Variants in EVPL observed in about 807,000 individuals in gnomAD.
The protein encoded by EVPL is 210 kDa cornified envelope precursor protein.
In EVPL, 94 loss-of-function variants were observed where a neutral mutation model predicts 129.7. The ratio of observed to expected loss-of-function variants is 0.72; its 90% confidence interval spans 0.61 to 0.86. EVPL has a LOEUF of 0.86. Ranked by LOEUF, EVPL falls within the 40% of genes least tolerant of loss-of-function variation. The pLI is 0.00. For missense variants in EVPL, 2,625 were observed against 2,721.1 expected (o/e 0.96, Z 0.79); for synonymous variants, 1,172 against 1,191.1 (o/e 0.98, Z 0.33).
In EVPL at chr17:76,007,162, G is replaced by A; in HGVS notation, c.6043C>T (p.Leu2015=). 2 of 1,510,606 alleles carry A rather than the reference G, an allele frequency of 1.3e-6. No homozygotes were observed. The highest frequency in any genetic ancestry group is 1.8e-6 in the Non-Finnish European group (2 of 1,128,164). The allele number at this position is 1,510,606 out of a possible 1,614,324, so 93.6% of individuals were successfully genotyped here. The change falls in exon 22 of 22, where the codon CTG becomes TTG. Residue 2015 remains leucine (L), a synonymous_variant. Coordinates refer to ENST00000301607, the MANE Select transcript of EVPL (RefSeq NM_001988.4). This position sits in a 1 kb window ranked among gnomAD's most constrained non-coding sequence, Gnocchi z 8.8. ...LSGLLLLPAA[L]EGYRCYRSAS... ...GAGCGGTAGCAGCGGTACCCCTCCA[G>A]TGCCGCTGGCAGGAGCAGCAGGCCG...
rs768851211 is a variant in EVPL at position 76,010,270 on chromosome 17, C to T, written c.2935G>A (p.Val979Met). The T allele has an allele frequency of 5.6e-6, 9 of 1,614,026 alleles. No individual in the cohort carries two copies. The South Asian group carries it at 9.9e-5, about 18-fold the overall frequency. ...GCCCGCCGCTTGCCCTCCTCCTCCACCTGGGCCTTCACCCTGGACAGGCTG... is the reference window on the plus strand; with the variant it reads ...GCCCGCCGCTTGCCCTCCTCCTCCATCTGGGCCTTCACCCTGGACAGGCTG... ...EGSLSRVKAQ[V>M]EEEGKRRAGL... The change falls in exon 22 of 22, where the codon GTG (valine) becomes ATG (methionine). Residue 979 changes from valine (V) to methionine (M), a missense_variant. Physicochemically the swap from Val to Met is conservative, Grantham distance 21. Coordinates refer to ENST00000301607, the MANE Select transcript of EVPL (RefSeq NM_001988.4).
chr17:76,026,910 C>T (rs1238013651), intron 1 of EVPL, among the ~76,000 whole-genome samples, 191 bp downstream of exon 1: 4 of 152,358 alleles, frequency 2.6e-5, no homozygotes, highest in Admixed American at 1.3e-4. Context: ...GGCTGAAGTT[C>T]GGCCTGGGCC....
rs1448932945 is a variant in EVPL at position 76,023,022 on chromosome 17, C to CAGG, written c.480+267_480+269dup. Among the ~76,000 whole-genome samples, 6 of 152,166 alleles carry CAGG rather than the reference C, an allele frequency of 3.9e-5. No homozygotes were observed. In the South Asian group the frequency reaches 6.2e-4, roughly 16 times the overall value. ...CGTCGAAGCCCAGGCTTCCTCCTGGCAGGAACCTTTGCTCCTTCTTTCTGG... is the reference window on the plus strand; with the variant it reads ...CGTCGAAGCCCAGGCTTCCTCCTGGCAGGAGGAACCTTTGCTCCTTCTTTCTGG... On this transcript the variant is annotated intron_variant, in intron 4 of 21. Coordinates refer to ENST00000301607, the MANE Select transcript of EVPL (RefSeq NM_001988.4).
At chr17:76,027,024 C>A in intron 1 of EVPL, 77 bp downstream of exon 1, 1 of 855,788 alleles carries the variant, frequency 1.2e-6, no homozygotes, top group Non-Finnish European at 1.8e-6. Context: ...GCCGCCGCCG[C>A]CAGGTGGCTC....
intron 2 of EVPL, 92 bp from the exon 3 acceptor site, chr17:76,023,746 C>A: frequency 2.8e-6 from 4 of 1,449,976 alleles, no homozygotes; most frequent in Non-Finnish European, 2.7e-6. Flanking sequence ...ACTTTGGGAC[C>A]CCAGCTATGC....
In EVPL at chr17:76,007,882, C is replaced by T. The variant is rs1567905746; in HGVS notation, c.5323G>A (p.Glu1775Lys). ...LYKDGHLPIS[E>K]FALLVAGETK... ...TCCCCAGCTACAAGCAGCGCAAACT[C>T]GGAGATGGGCAGGTGGCCGTCCTTG... The change falls in exon 22 of 22, where the codon GAG becomes AAG. Residue 1775 changes from glutamate (E) to lysine (K), a missense_variant. Coordinates refer to ENST00000301607, the MANE Select transcript of EVPL (RefSeq NM_001988.4). This position sits in a 1 kb window ranked among gnomAD's most constrained non-coding sequence, Gnocchi z 8.8. 3.7e-6 allele frequency: 6 copies of T among 1,613,992 alleles called. No homozygotes were observed. The highest frequency in any genetic ancestry group is 2.2e-5 in the East Asian group (1 of 44,870).
Position 76,024,232 on chromosome 17 carries a change from C to G in EVPL, c.99-112G>C. 1 of 1,006,566 alleles carries G rather than the reference C, an allele frequency of 9.9e-7. No individual in the cohort carries two copies. The highest frequency in any genetic ancestry group is 1.6e-5 in the African/African-American group (1 of 62,830). The allele number at this position is 1,006,566 out of a possible 1,614,324, so 62.4% of individuals were successfully genotyped here. ...CCCATCCTGCCCCCACAGCCTAGCT[C>G]ACTGCCCTGACTTTGGGGTCTCTCT... On this transcript the variant is annotated intron_variant, in intron 1 of 21. Coordinates refer to ENST00000301607, the MANE Select transcript of EVPL (RefSeq NM_001988.4). The surrounding 1 kb of genome is among the most constrained non-coding windows in gnomAD (Gnocchi z 4.5).
At position 76,019,007 on chromosome 17, in the gene EVPL, C is replaced by A; in HGVS notation, c.1191G>T (p.Arg397=). The A allele has an allele frequency of 6.4e-7, 1 of 1,571,648 alleles. No homozygotes were observed. The highest frequency in any genetic ancestry group is 8.6e-7 in the Non-Finnish European group (1 of 1,165,736). Residue 397 remains arginine (R), a synonymous_variant, in exon 11 of 22, where the codon CGG becomes CGT. Coordinates refer to ENST00000301607, the MANE Select transcript of EVPL (RefSeq NM_001988.4). The part of the protein sequence containing the change: ...VTERATGDLQ[R]RSRDVAPLPQ... ...GCAGAGGGGCCACATCCCGGCTTCG[C>A]CGCTGCAGGTCCCCAGTGGCCCTCT...
Position 76,017,915 on chromosome 17 carries a change from GGGGCAGAGGTGCTGGTGA to G in EVPL, c.1538-22_1538-5del. ...GCCAGGTCTGAGCCAGATGGAGCTG[GGGGCAGAGGTGCTGGTGA>G]GGGCCCAGGGCCTATCTCCAGACTG... is the stretch of plus-strand genomic sequence containing the variant. On this transcript the variant is annotated splice_region_variant and splice_polypyrimidine_tract_variant and intron_variant, in intron 13 of 21. Coordinates refer to ENST00000301607, the MANE Select transcript of EVPL (RefSeq NM_001988.4). 5.6e-6 allele frequency: 9 copies of G among 1,613,942 alleles called. No individual in the cohort carries two copies. Among genetic ancestry groups the G allele is most frequent in the Non-Finnish European group, 7.6e-6 (9 of 1,179,990 alleles).
rs1448615842 is a variant in EVPL at position 76,022,471 on chromosome 17, T to A, written c.548A>T (p.Asn183Ile). 6.2e-7 allele frequency: 1 copy of A among 1,613,586 alleles called. No individual in the cohort carries two copies. Among genetic ancestry groups the A allele is most frequent in the Admixed American group, 1.7e-5 (1 of 59,984 alleles). Residue 183 changes from asparagine to isoleucine, a missense_variant, in exon 5 of 22, where the codon AAC (asparagine) becomes ATC (isoleucine). Asn to Ile is a moderately radical substitution (Grantham distance 149). Transcript: ENST00000301607. The surrounding 1 kb of genome is among the most constrained non-coding windows in gnomAD (Gnocchi z 5.6). ...AELEQQIAEH[N>I]ILQKEIDAYG... ...GGCGTCGATCTCCTTCTGCAGGATG[T>A]TGTGCTCGGCGATCTGTTGCTCCAG... is the stretch of plus-strand genomic sequence containing the variant.
At position 76,007,421 on chromosome 17, in the gene EVPL, C is replaced by T. The variant is rs1411977279; in HGVS notation, c.5784G>A (p.Arg1928=). The T allele has an allele frequency of 1.9e-6, 3 of 1,605,788 alleles. No homozygotes were observed. In the Admixed American group the frequency reaches 5.0e-5, roughly 27 times the overall value. Residue 1928 remains arginine (R), a synonymous_variant, in exon 22 of 22, where the codon CGG becomes CGA. Transcript: ENST00000301607. This position sits in a 1 kb window ranked among gnomAD's most constrained non-coding sequence, Gnocchi z 8.8. The part of the protein sequence containing the change: ...GEAVQKGWMP[R]ESVLPHLQVQ... ...CCTGCAGGTGTGGGAGCACGCTCTCCCGGGGCATCCAGCCCTTCTGGACGG... is the reference window on the plus strand; with the variant it reads ...CCTGCAGGTGTGGGAGCACGCTCTCTCGGGGCATCCAGCCCTTCTGGACGG...
chr17:76,012,624 C>T (rs2144410876), intron 18 of EVPL, among the ~76,000 whole-genome samples: 1 of 152,042 alleles, frequency 6.6e-6, no homozygotes, highest in East Asian at 1.9e-4. Context: ...CGTTCTAGCA[C>T]AGTAGTATCT....
At chr17:76,019,099 T>C (rs2066439864) in intron 10 of EVPL, 39 bp from the exon 11 acceptor site, 1 of 1,531,970 alleles carries the variant, frequency 6.5e-7, no homozygotes, top group Non-Finnish European at 8.7e-7. Flanking sequence ...CAGGCCAGGC[T>C]GCATTGGAGG....
At position 76,008,342 on chromosome 17, in the gene EVPL, G is replaced by A. The variant is rs1168710422; in HGVS notation, c.4863C>T (p.Ser1621=). 6.2e-7 allele frequency: 1 copy of A among 1,604,754 alleles called. No individual in the cohort carries two copies. Among genetic ancestry groups the A allele is most frequent in the South Asian group, 1.1e-5 (1 of 91,036 alleles). Residue 1621 remains serine, a synonymous_variant, in exon 22 of 22, where the codon AGC becomes AGT. Coordinates refer to ENST00000301607, the MANE Select transcript of EVPL (RefSeq NM_001988.4). The surrounding 1 kb of genome is among the most constrained non-coding windows in gnomAD (Gnocchi z 7.4). ...TCTGTCGCTCGCTCTCCGTCTTCTGGCTGAGCAGCTTCGACTCCTCCTGCA... is the reference window on the plus strand; with the variant it reads ...TCTGTCGCTCGCTCTCCGTCTTCTGACTGAGCAGCTTCGACTCCTCCTGCA... ...LQLQEESKLL[S]QKTESERQKA...
chr17:76,014,469 C>T lies in EVPL; in HGVS notation c.2330G>A (p.Ser777Asn). Residue 777 changes from serine to asparagine, a missense_variant, in exon 18 of 22, where the codon AGC becomes AAC. Physicochemically the swap from Ser to Asn is conservative, Grantham distance 46 (BLOSUM62 1). Coordinates refer to ENST00000301607, the MANE Select transcript of EVPL (RefSeq NM_001988.4). ...EHLPRSQVRP[S>N]DGPSQIAYKL... Reference sequence around the variant, plus strand: ...GTAGGCGATCTGGCTGGGGCCGTCGCTGGGCCGCACCTGGCTGCGGGGCAG... The same window carrying T: ...GTAGGCGATCTGGCTGGGGCCGTCGTTGGGCCGCACCTGGCTGCGGGGCAG... 6.2e-7 allele frequency: 1 copy of T among 1,611,954 alleles called. No individual in the cohort carries two copies.
At chr17:76,010,584 G>C in intron 21 of EVPL, 41 bp from the exon 22 acceptor site, 1 of 1,556,788 alleles carries the variant, frequency 6.4e-7, no homozygotes, top group Non-Finnish European at 8.7e-7. Flanking sequence ...GTGGGCGGTA[G>C]AGATAGGAGC....
rs1396589138 is a variant in EVPL at position 76,024,885 on chromosome 17, A to G, written c.99-765T>C. On this transcript the variant is annotated intron_variant, in intron 1 of 21. Coordinates refer to ENST00000301607, the MANE Select transcript of EVPL (RefSeq NM_001988.4). This position sits in a 1 kb window ranked among gnomAD's most constrained non-coding sequence, Gnocchi z 4.5. ...TGCATGCACTCACTGTGCGGAGGTC[A>G]CAAGGTCAAGCAGACCTAAAAGAGG... Among the ~76,000 whole-genome samples the G allele has an allele frequency of 6.6e-6, 1 of 152,216 alleles. No individual in the cohort carries two copies. Among genetic ancestry groups the G allele is most frequent in the Non-Finnish European group, 1.5e-5 (1 of 68,030 alleles).
rs959377619 is a variant in EVPL, at chr17:76,013,572, C to T, written c.2373+854G>A. The stretch of plus-strand genomic sequence containing the variant: ...CAGTTGTCCCCAACAGAACCCTGGG[C>T]ATCACCGGGCCCCGTCCATCTCACT... On this transcript the variant is annotated intron_variant, in intron 18 of 21. Coordinates refer to ENST00000301607, the MANE Select transcript of EVPL (RefSeq NM_001988.4). This position sits in a 1 kb window ranked among gnomAD's most constrained non-coding sequence, Gnocchi z 4.3. Among the ~76,000 whole-genome samples, 1 of 152,136 alleles carries T rather than the reference C, an allele frequency of 6.6e-6. No homozygotes were observed. The highest frequency in any genetic ancestry group is 2.4e-5 in the African/African-American group (1 of 41,434).
chr17:76,007,678 T>C lies in EVPL; in HGVS notation c.5527A>G (p.Thr1843Ala), dbSNP rs1198462193. The change falls in exon 22 of 22, where the codon ACG (threonine) becomes GCG (alanine). Residue 1843 changes from threonine (T) to alanine (A), a missense_variant. Transcript: ENST00000301607. This position sits in a 1 kb window ranked among gnomAD's most constrained non-coding sequence, Gnocchi z 8.8. ...TTTDNKCSIKTAVAKNMLDPI... is the reference protein window; with the variant it reads ...TTTDNKCSIKAAVAKNMLDPI... Reference sequence around the variant, plus strand: ...TCCAGCATGTTCTTGGCCACGGCCGTCTTGATGCTGCACTTGTTGTCTGTG... The same window carrying C: ...TCCAGCATGTTCTTGGCCACGGCCGCCTTGATGCTGCACTTGTTGTCTGTG... The C allele has an allele frequency of 1.9e-6, 3 of 1,613,690 alleles. No individual in the cohort carries two copies. The highest frequency in any genetic ancestry group is 2.5e-6 in the Non-Finnish European group (3 of 1,179,976).
Sources: allele counts gnomAD v4.1 joint callset (sites outside exome capture counted in the v4.1 genomes callset), GRCh38; gene constraint gnomAD v4.1.1; non-coding constraint Gnocchi (gnomAD v3.1); transcripts MANE v1.5; gene names NCBI Gene and HGNC (gene_info 2026-07-23, HGNC 2026-07-21).